The following ATRNL1 variants were observed in gnomAD, a reference collection of about 807,000 sequenced individuals.
The protein encoded by ATRNL1 is attractin-like protein 1.
Under a neutral mutation model 182.7 loss-of-function variants are expected in ATRNL1, and 95 were observed. The ratio of observed to expected loss-of-function variants is 0.52; its 90% CI spans 0.44 to 0.62. The LOEUF (loss-of-function observed/expected upper bound fraction) is 0.62. ATRNL1 is among the 20% of genes least tolerant of loss of function. The pLI is 0.00. For missense variants in ATRNL1, 1,471 were observed against 1,679.5 expected (o/e 0.88, Z 2.17); for synonymous variants, 576 against 568.3 (o/e 1.01, Z -0.19).
At chr10:115,785,811 C>G (rs1308086636) in intron 27 of ATRNL1, among the ~76,000 whole-genome samples, 4 of 152,164 alleles carry the variant, frequency 2.6e-5, no homozygotes, top group Non-Finnish European at 5.9e-5. Context: ...AAGAAGAAAG[C>G]AGGCCACACT....
rs144029912 is a variant in ATRNL1 at position 115,737,084 on chromosome 10, C to T, written c.3903+9729C>T. 7.1e-3 allele frequency among the ~76,000 whole-genome samples: 1,078 copies of T among 152,068 alleles called. 12 individuals are homozygous for T. The highest frequency in any genetic ancestry group is 9.9e-3 in the Non-Finnish European group (671 of 67,966). On this transcript the variant is annotated intron_variant, in intron 27 of 28. Coordinates refer to ENST00000355044, the MANE Select transcript of ATRNL1 (RefSeq NM_207303.4). ...GCCTTGGAGCAGTTTTATCTGGTTG[C>T]CTTGGAGCATTCCCTTACTGGCTGC...
chr10:115,715,820 G>C (rs1021468410), intron 26 of ATRNL1, among the ~76,000 whole-genome samples: 2 of 152,134 alleles, frequency 1.3e-5, no homozygotes, highest in Non-Finnish European at 2.9e-5. Flanking sequence ...GTATTCAAGG[G>C]TCCTAGATGA....
intron 8 of ATRNL1, among the ~76,000 whole-genome samples, chr10:115,212,932 C>T (rs2144389236): frequency 6.6e-6 from 1 of 152,144 alleles, no homozygotes; most frequent in Non-Finnish European, 1.5e-5. Context: ...ATAATCTATA[C>T]AACAAACCCC....
chr10:115,584,317 A>C (rs1855349280), intron 26 of ATRNL1, among the ~76,000 whole-genome samples: 1 of 126,656 alleles, frequency 7.9e-6, no homozygotes, highest in Admixed American at 8.9e-5. Context: ...TAGTTTCAGA[A>C]GGAATGGTAC....
chr10:115,334,494 G>C (rs1247471776), intron 19 of ATRNL1, 75 bp downstream of exon 19: 3 of 1,189,388 alleles, frequency 2.5e-6, no homozygotes, highest in Non-Finnish European at 3.4e-6. Context: ...GCCTGTTGTG[G>C]AGAATATATA....
intron 27 of ATRNL1, among the ~76,000 whole-genome samples, chr10:115,813,156 C>A (rs1329976627): frequency 6.6e-6 from 1 of 152,070 alleles, no homozygotes; most frequent in Non-Finnish European, 1.5e-5. Context: ...ATAGGTACAG[C>A]ACAACAACAT....
intron 19 of ATRNL1, among the ~76,000 whole-genome samples, chr10:115,361,188 A>G (rs565978110): frequency 6.6e-6 from 1 of 152,096 alleles, no homozygotes; most frequent in Admixed American, 6.6e-5. Flanking sequence ...TCTGTAATCA[A>G]TGATTATTAT....
At chr10:115,401,749 G>C (rs556999360) in intron 20 of ATRNL1, among the ~76,000 whole-genome samples, 2 of 152,146 alleles carry the variant, frequency 1.3e-5, no homozygotes, top group African/African-American at 4.8e-5. Context: ...TAATATAAGA[G>C]CCAGTCAAGT....
At chr10:115,500,769 G>A (rs1222093985) in intron 24 of ATRNL1, among the ~76,000 whole-genome samples, 2 of 151,654 alleles carry the variant, frequency 1.3e-5, no homozygotes, top group South Asian at 2.1e-4. Flanking sequence ...TCGAACTCCC[G>A]ACCTCAGGTG....
At chr10:115,246,588 C>G (rs1422820320) in intron 10 of ATRNL1, among the ~76,000 whole-genome samples, 2 of 61,936 alleles carry the variant, frequency 3.2e-5, no homozygotes, top group African/African-American at 8.3e-5. Flanking sequence ...GAGTCTCGCT[C>G]TGTCGCCCAG....
At chr10:115,826,453 G>A (rs1555092006) in intron 27 of ATRNL1, among the ~76,000 whole-genome samples, 1 of 152,080 alleles carries the variant, frequency 6.6e-6, no homozygotes, top group African/African-American at 2.4e-5. Context: ...GTGAGCTGGA[G>A]GGAGTGGCAC....
intron 28 of ATRNL1, among the ~76,000 whole-genome samples, chr10:115,897,564 G>T (rs1952239092): frequency 6.6e-6 from 1 of 152,262 alleles, no homozygotes. Context: ...TGAAGGAGTG[G>T]TTCAGGTGGA....
intron 26 of ATRNL1, among the ~76,000 whole-genome samples, chr10:115,621,854 A>G (rs565226059): frequency 5.0e-4 from 76 of 152,302 alleles, no homozygotes; most frequent in African/African-American, 1.7e-3. Flanking sequence ...TTAAAAATGC[A>G]AAAAGTCTTT....
chr10:115,769,963 T>C (rs1184564010), intron 27 of ATRNL1, among the ~76,000 whole-genome samples: 1 of 152,138 alleles, frequency 6.6e-6, no homozygotes, highest in African/African-American at 2.4e-5. Context: ...TATATTGACT[T>C]TGAAGCTAAT....
At chr10:115,165,858 A>G (rs1391668669) in intron 7 of ATRNL1, among the ~76,000 whole-genome samples, 1 of 152,108 alleles carries the variant, frequency 6.6e-6, no homozygotes, top group Non-Finnish European at 1.5e-5. Flanking sequence ...AGAAATGAAG[A>G]TTGAGTTTTT....
rs544351923 is a variant in ATRNL1, at chr10:115,438,076, A to C, written c.3322+11774A>C. 2.6e-5 allele frequency among the ~76,000 whole-genome samples: 4 copies of C among 152,182 alleles called. No individual in the cohort carries two copies. In the East Asian group the frequency reaches 7.7e-4, roughly 29 times the overall value. On this transcript the variant is annotated intron_variant, in intron 21 of 28. Coordinates refer to ENST00000355044, the MANE Select transcript of ATRNL1 (RefSeq NM_207303.4). ...AATCATTAACTCAGTGGAAAAGCAA[A>C]TTATTAAGCTGCAGTTTGTTTCTCA...
chr10:115,807,678 A>G (rs782004873), intron 27 of ATRNL1, among the ~76,000 whole-genome samples: 13 of 152,184 alleles, frequency 8.5e-5, no homozygotes, highest in South Asian at 2.1e-4. Flanking sequence ...TCATTCTACA[A>G]TCAATATGTA....
At chr10:115,100,281 C>T (rs1357166203) in intron 1 of ATRNL1, among the ~76,000 whole-genome samples, 5 of 151,432 alleles carry the variant, frequency 3.3e-5, no homozygotes, top group African/African-American at 1.2e-4. Context: ...CTGGGCAACA[C>T]AGCAAGACCA....
intron 26 of ATRNL1, among the ~76,000 whole-genome samples, chr10:115,600,082 CAT>C (rs2133940027): frequency 6.6e-6 from 1 of 152,174 alleles, no homozygotes; most frequent in Non-Finnish European, 1.5e-5. Flanking sequence ...AATTATGCAG[CAT>C]GTGTGTGTGT....
Sources: allele counts gnomAD v4.1 joint callset (sites outside exome capture counted in the v4.1 genomes callset), GRCh38; gene constraint gnomAD v4.1.1; transcripts MANE v1.5; gene names NCBI Gene and HGNC (gene_info 2026-07-23, HGNC 2026-07-21).